SDK1: variants seen among roughly 807,000 people sequenced by gnomAD.
SDK1 encodes the protein sidekick cell adhesion molecule 1, also known as protein sidekick-1.
Under a neutral mutation model 245.5 loss-of-function variants are expected in SDK1, and 157 were observed. The ratio of observed to expected loss-of-function variants is 0.64; its 90% CI spans 0.56 to 0.73. The LOEUF is 0.73. Among genes scored for constraint, SDK1 ranks in the 30% least tolerant of loss-of-function variants. SDK1 has a pLI of 0.00. For missense variants in SDK1, 3,583 were observed against 3,002.3 expected (o/e 1.19, Z -4.52); for synonymous variants, 1,647 against 1,278.5 (o/e 1.29, Z -6.15).
At chr7:4,144,879 C>T (rs991949998) in intron 28 of SDK1, among the ~76,000 whole-genome samples, 6 of 152,208 alleles carry the variant, frequency 3.9e-5, no homozygotes, top group East Asian at 1.9e-4. Context: ...CACAGCGCCC[C>T]GTCATTTCTG....
intron 1 of SDK1, among the ~76,000 whole-genome samples, chr7:3,354,041 G>A (rs1478807280): frequency 6.7e-6 from 1 of 148,932 alleles, no homozygotes; most frequent in African/African-American, 2.5e-5. Context: ...TGCCCAGGCT[G>A]GAGTGCAGTG....
intron 5 of SDK1, among the ~76,000 whole-genome samples, chr7:3,920,138 C>T (rs1177182243): frequency 6.6e-6 from 1 of 152,144 alleles, no homozygotes; most frequent in Non-Finnish European, 1.5e-5. Context: ...CGGGTCGTGT[C>T]CGGGAAAATG....
chr7:3,799,292 G>A (rs187299031), intron 4 of SDK1, among the ~76,000 whole-genome samples: 1 of 151,870 alleles, frequency 6.6e-6, no homozygotes, highest in East Asian at 1.9e-4. Flanking sequence ...TTAGGATCCA[G>A]TAATTCTTCT....
At chr7:4,245,873 C>A in intron 44 of SDK1, 68 bp downstream of exon 44, 1 of 1,577,116 alleles carries the variant, frequency 6.3e-7, no homozygotes. Flanking sequence ...ACTTCTGCCC[C>A]CTCAGGCTGT....
At chr7:3,994,407 C>T (rs1406294673) in intron 14 of SDK1, among the ~76,000 whole-genome samples, 2 of 151,950 alleles carry the variant, frequency 1.3e-5, no homozygotes, top group Non-Finnish European at 2.9e-5. Flanking sequence ...TTTGGGAGGC[C>T]GAGTCAGGAG....
At chr7:3,724,933 G>A (rs894899401) in intron 4 of SDK1, among the ~76,000 whole-genome samples, 1 of 152,180 alleles carries the variant, frequency 6.6e-6, no homozygotes, top group Non-Finnish European at 1.5e-5. Flanking sequence ...CCTGGCTGGG[G>A]TTTAAATGTG....
At chr7:3,454,674 C>A (rs1780620493) in intron 1 of SDK1, among the ~76,000 whole-genome samples, 1 of 152,068 alleles carries the variant, frequency 6.6e-6, no homozygotes, top group African/African-American at 2.4e-5. Context: ...TTGTGTTTAT[C>A]AACAGTTAAT....
chr7:4,255,964 G>A (rs1304475242), intron 44 of SDK1, among the ~76,000 whole-genome samples: 2 of 143,674 alleles, frequency 1.4e-5, no homozygotes, highest in Non-Finnish European at 3.0e-5. Flanking sequence ...CTGTCACCCG[G>A]GCTGGAGTGC....
At chr7:3,405,986 T>C (rs1402517134) in intron 1 of SDK1, among the ~76,000 whole-genome samples, 1 of 152,068 alleles carries the variant, frequency 6.6e-6, no homozygotes, top group African/African-American at 2.4e-5. Flanking sequence ...CTAATTTTTG[T>C]ATTTTTAGTG....
At chr7:3,607,582 C>G (rs751208733) in intron 1 of SDK1, among the ~76,000 whole-genome samples, 2 of 152,206 alleles carry the variant, frequency 1.3e-5, no homozygotes, top group African/African-American at 4.8e-5. Flanking sequence ...AAACCAATAT[C>G]TAGACTTCTC....
chr7:4,210,283 TG>T, intron 38 of SDK1, 121 bp downstream of exon 38: 8 of 1,074,522 alleles, frequency 7.4e-6, no homozygotes, highest in Non-Finnish European at 9.8e-6. Flanking sequence ...GCGCCTGAAG[TG>T]GGGGGTTTTG....
chr7:4,244,664 A>C (rs1423252222), intron 43 of SDK1, among the ~76,000 whole-genome samples: 2 of 152,244 alleles, frequency 1.3e-5, no homozygotes, highest in Admixed American at 1.3e-4. Context: ...GTCTGGGCAC[A>C]GCTCAGCTGG....
chr7:3,626,098 C>T (rs991383493), intron 2 of SDK1, among the ~76,000 whole-genome samples: 3 of 151,428 alleles, frequency 2.0e-5, no homozygotes, highest in Admixed American at 6.6e-5. Flanking sequence ...TGGGTGCCAC[C>T]ACAACTAGCT....
rs148733639 is a variant in SDK1 at position 3,606,105 on chromosome 7, C to G, written c.299-12975C>G. 2.7e-3 allele frequency among the ~76,000 whole-genome samples: 407 copies of G among 152,324 alleles called. 2 individuals are homozygous for G. The highest frequency in any genetic ancestry group is 9.3e-3 in the African/African-American group (386 of 41,568). On this transcript the variant is annotated intron_variant, in intron 1 of 44. Transcript: ENST00000404826. ...TATTTCAAACATCCTAAGTTCAACA[C>G]TGAGCTCTTGTTCTTTTCCTCTGAG... is the stretch of plus-strand genomic sequence containing the variant.
intron 2 of SDK1, among the ~76,000 whole-genome samples, chr7:3,623,171 A>T (rs1348012896): frequency 6.6e-6 from 1 of 151,928 alleles, no homozygotes; most frequent in African/African-American, 2.4e-5. Flanking sequence ...TACTTTTTCT[A>T]GCTTTGACTT....
intron 1 of SDK1, among the ~76,000 whole-genome samples, chr7:3,397,175 T>A (rs1016846903): frequency 6.6e-6 from 1 of 151,926 alleles, no homozygotes; most frequent in African/African-American, 2.4e-5. Flanking sequence ...TATAAGCCTA[T>A]CAACAAAGTT....
chr7:3,590,300 C>CTTTTTTTTTTTT (rs200303832), intron 1 of SDK1, among the ~76,000 whole-genome samples: 50 of 96,144 alleles, frequency 5.2e-4, no homozygotes, highest in Admixed American at 6.3e-4. Flanking sequence ...TTTCCTGTTC[C>CTTTTTTTTTTTT]TTTTTTTTTT....
chr7:3,776,705 C>CTT (rs751050683), intron 4 of SDK1, among the ~76,000 whole-genome samples: 1 of 143,788 alleles, frequency 7.0e-6, no homozygotes, highest in Admixed American at 7.0e-5. Flanking sequence ...AGATATTTTG[C>CTT]TTTTTTTTTT....
At chr7:3,653,436 T>C (rs1157531024) in intron 4 of SDK1, among the ~76,000 whole-genome samples, 1 of 152,068 alleles carries the variant, frequency 6.6e-6, no homozygotes, top group African/African-American at 2.4e-5. Flanking sequence ...GGGGCCAAGA[T>C]TGCATGGAGG....
Sources: gnomAD v4.1 joint callset for allele counts (sites outside exome capture counted in the v4.1 genomes callset) on GRCh38, gnomAD v4.1.1 for gene constraint, MANE v1.5 for transcripts, NCBI Gene and HGNC (gene_info 2026-07-23, HGNC 2026-07-21) for gene names.